BCR: variants seen among roughly 807,000 people sequenced by gnomAD.
BCR encodes BCR activator of RhoGEF and GTPase.
Under a neutral mutation model 138.6 loss-of-function variants are expected in BCR, and 58 were observed. That is an observed-to-expected ratio of 0.42 (90% CI 0.34 to 0.52). BCR has a LOEUF of 0.52. BCR is among the 20% of genes least tolerant of loss of function. The pLI is 0.06. For missense variants in BCR, 1,599 were observed against 1,727.2 expected, an observed-to-expected ratio of 0.93 and a Z score of 1.32; for synonymous variants, 786 against 730.1, an observed-to-expected ratio of 1.08 and a Z score of -1.23.
At chr22:23,225,641 C>T (rs867378940) in intron 1 of BCR, among the ~76,000 whole-genome samples, 6 of 152,164 alleles carry the variant, frequency 3.9e-5, no homozygotes, top group Admixed American at 2.0e-4. Flanking sequence ...CCACTGACAC[C>T]GAGGTTTATT....
intron 16 of BCR, among the ~76,000 whole-genome samples, chr22:23,305,704 G>A (rs966603702): frequency 6.6e-6 from 1 of 152,146 alleles, no homozygotes; most frequent in Non-Finnish European, 1.5e-5. Context: ...TTCTTTCAAG[G>A]CTCCTGCCTT....
chr22:23,189,691 G>T (rs28459053), intron 1 of BCR, among the ~76,000 whole-genome samples: 4,591 of 151,828 alleles, frequency 0.03, 242 homozygotes, highest in African/African-American at 0.11. Flanking sequence ...TAGTAGAGAT[G>T]GGGTTTCACC....
chr22:23,181,033 C>G lies in BCR; in HGVS notation c.73C>G (p.Leu25Val). ...FPDSEPPRME[L>V]RSVGDIEQEL... is the part of the protein sequence containing the mutation. ...GGACTCAGAGCCCCCGCGCATGGAGCTGCGCTCAGTGGGCGACATCGAGCA... is the reference window on the plus strand; with the variant it reads ...GGACTCAGAGCCCCCGCGCATGGAGGTGCGCTCAGTGGGCGACATCGAGCA... The change falls in exon 1 of 23, where the codon CTG becomes GTG. Residue 25 changes from leucine to valine, a missense_variant. Leu to Val is a conservative substitution (Grantham distance 32, BLOSUM62 1). Transcript: ENST00000305877. 6.6e-7 allele frequency: 1 copy of G among 1,519,082 alleles called. No individual in the cohort carries two copies. The highest frequency in any genetic ancestry group is 8.9e-7 in the Non-Finnish European group (1 of 1,127,894). The allele number at this position is 1,519,082 out of a possible 1,614,324, so 94.1% of individuals were successfully genotyped here.
At chr22:23,214,206 GT>G (rs11384313) in intron 1 of BCR, among the ~76,000 whole-genome samples, 111 of 138,298 alleles carry the variant, frequency 8.0e-4, no homozygotes, top group Middle Eastern at 7.4e-3. Context: ...TGTTTGGTTT[GT>G]TTTTTTTTTT....
At chr22:23,207,006 GC>G (rs1253313965) in intron 1 of BCR, among the ~76,000 whole-genome samples, 1 of 116,838 alleles carries the variant, frequency 8.6e-6, no homozygotes, top group Non-Finnish European at 1.6e-5. Context: ...CTAACATCCA[GC>G]CAACCATCCA....
chr22:23,210,934 C>T (rs1178062633), intron 1 of BCR, among the ~76,000 whole-genome samples: 4 of 152,152 alleles, frequency 2.6e-5, no homozygotes, highest in Non-Finnish European at 4.4e-5. Flanking sequence ...AGAGTTCACC[C>T]GTTTAAAATG....
At chr22:23,281,401 T>G (rs1335960164) in intron 8 of BCR, among the ~76,000 whole-genome samples, 2 of 152,082 alleles carry the variant, frequency 1.3e-5, no homozygotes, top group Admixed American at 6.5e-5. Context: ...ACGACTCGGG[T>G]GGGCTATGCA....
intron 16 of BCR, among the ~76,000 whole-genome samples, chr22:23,303,280 AC>A (rs2073922777): frequency 6.6e-6 from 1 of 152,220 alleles, no homozygotes; most frequent in Non-Finnish European, 1.5e-5. Flanking sequence ...AGCAGCAGAG[AC>A]AAACATAAGC....
intron 16 of BCR, among the ~76,000 whole-genome samples, chr22:23,301,902 G>A (rs1012279209): frequency 2.6e-5 from 4 of 152,202 alleles, no homozygotes; most frequent in Admixed American, 1.3e-4. Context: ...AGGGACACCC[G>A]ACTTGGGTCC....
intron 1 of BCR, chr22:23,242,812 T>C (rs2073109159): frequency 8.8e-6 from 4 of 454,274 alleles, no homozygotes; most frequent in South Asian, 6.2e-5. Flanking sequence ...ATTTATTCTC[T>C]CCCAGTTCTG....
chr22:23,264,857 G>T (rs976210348), intron 4 of BCR: 2 of 152,482 alleles, frequency 1.3e-5, no homozygotes, highest in African/African-American at 4.8e-5. Context: ...GCCTGGTTTT[G>T]TTTTGAAACC....
intron 16 of BCR, among the ~76,000 whole-genome samples, chr22:23,301,295 G>A (rs5759690): frequency 0.053 from 8,091 of 152,316 alleles, 258 homozygotes; most frequent in Middle Eastern, 0.11. Context: ...GACAGAGCGA[G>A]ACTATCTCAA....
intron 1 of BCR, among the ~76,000 whole-genome samples, chr22:23,226,249 A>G (rs1281416407): frequency 6.6e-6 from 1 of 152,166 alleles, no homozygotes; most frequent in Non-Finnish European, 1.5e-5. Context: ...CCCGTCAGAA[A>G]TATCCTTCCC....
intron 1 of BCR, among the ~76,000 whole-genome samples, chr22:23,205,827 A>C (rs2072606302): frequency 6.6e-6 from 1 of 152,178 alleles, no homozygotes. Context: ...CTTAAGGCCT[A>C]GGTCACATGA....
At chr22:23,217,108 A>G in intron 1 of BCR, 1 of 429,868 alleles carries the variant, frequency 2.3e-6, no homozygotes, top group Non-Finnish European at 4.7e-6. Flanking sequence ...GATTTTAGTT[A>G]CACAGTCACA....
chr22:23,298,043 C>T (rs1450701208), intron 16 of BCR, among the ~76,000 whole-genome samples: 1 of 152,160 alleles, frequency 6.6e-6, no homozygotes, highest in Non-Finnish European at 1.5e-5. Context: ...GTGGTAAAAG[C>T]AGGTTTTGTT....
chr22:23,300,140 C>T (rs539274071), intron 16 of BCR, among the ~76,000 whole-genome samples: 1 of 152,246 alleles, frequency 6.6e-6, no homozygotes, highest in Admixed American at 6.5e-5. Flanking sequence ...TTTTCATCCT[C>T]TCAAACTGAA....
intron 16 of BCR, among the ~76,000 whole-genome samples, chr22:23,296,747 G>T (rs1409952451): frequency 6.6e-6 from 1 of 152,204 alleles, no homozygotes; most frequent in Non-Finnish European, 1.5e-5. Flanking sequence ...TTCAAGACCA[G>T]CCTGGGCAAC....
At chr22:23,311,322 A>C (rs1246753370) in intron 18 of BCR, among the ~76,000 whole-genome samples, 1 of 150,190 alleles carries the variant, frequency 6.7e-6, no homozygotes, top group Admixed American at 6.6e-5. Context: ...CTCACACAGC[A>C]CGTGGGTGGC....
Sources: gnomAD v4.1 joint callset for allele counts (sites outside exome capture counted in the v4.1 genomes callset) on GRCh38, gnomAD v4.1.1 for gene constraint, MANE v1.5 for transcripts, NCBI Gene and HGNC (gene_info 2026-07-23, HGNC 2026-07-21) for gene names.